ME2: variants seen among roughly 807,000 people sequenced by gnomAD.
The protein encoded by ME2 is malic enzyme 2.
In ME2, 60 loss-of-function variants were observed where a neutral mutation model predicts 73.7. The observed-to-expected ratio is 0.81, with a 90% CI of 0.66 to 1.01. The LOEUF is 1.01. Ranked by LOEUF, ME2 falls within the 50% of genes least tolerant of loss-of-function variation. The probability of loss-of-function intolerance (pLI) is 0.00; values close to 1 mark genes in which losing one functional copy is unlikely to be tolerated. For synonymous variants in ME2, 199 were observed against 236.9 expected (o/e 0.84, Z 1.47); for missense variants, 594 against 705.5 (o/e 0.84, Z 1.79).
intron 2 of ME2, among the ~76,000 whole-genome samples, chr18:50,905,879 A>T (rs1781329827): frequency 6.6e-6 from 1 of 152,172 alleles, no homozygotes; most frequent in African/African-American, 2.4e-5. Context: ...ATAGTGAGGC[A>T]TGTCCGACCC....
rs747890306 is a variant in ME2, at chr18:50,920,700, A to G, written c.884A>G (p.Gln295Arg). Residue 295 changes from glutamine to arginine, a missense_variant, in exon 9 of 16, where the codon CAA becomes CGA. Transcript: ENST00000321341. ...AVALAGLLAAQKVISKPISEH... is the reference protein window; with the variant it reads ...AVALAGLLAARKVISKPISEH... ...GCTCTAGCAGGTCTTCTTGCAGCACAAAAAGTTATTAGTAAACCAATCTCC... is the reference window on the plus strand; with the variant it reads ...GCTCTAGCAGGTCTTCTTGCAGCACGAAAAGTTATTAGTAAACCAATCTCC... 1.9e-6 allele frequency: 3 copies of G among 1,612,450 alleles called. No homozygotes were observed. Among genetic ancestry groups the G allele is most frequent in the South Asian group, 1.1e-5 (1 of 90,896 alleles).
Position 50,920,941 on chromosome 18 carries a change from G to A in ME2, c.943-133G>A, listed in dbSNP as rs565200118. On this transcript the variant is annotated intron_variant, in intron 9 of 15. Coordinates refer to ENST00000321341, the MANE Select transcript of ME2 (RefSeq NM_002396.5). The stretch of plus-strand genomic sequence containing the variant: ...AAAATATGTTTCGAGAGAATATCAC[G>A]AAGAATTTTTGTTTGATTTGTAAGG... 359 of 696,258 alleles carry A rather than the reference G, an allele frequency of 5.2e-4. 1 individual carries two copies. The South Asian group carries it at 6.9e-3, about 13-fold the overall frequency. The allele number at this position is 696,258 out of a possible 1,614,324, so 43.1% of individuals were successfully genotyped here.
At chr18:50,893,593 A>G (rs577466095) in intron 1 of ME2, among the ~76,000 whole-genome samples, 32 of 152,080 alleles carry the variant, frequency 2.1e-4, no homozygotes, top group Non-Finnish European at 4.4e-4. Context: ...GCTACTGGTT[A>G]TTTTTCTGTC....
chr18:50,940,109 A>G (rs931104225), intron 14 of ME2, 179 bp from the exon 15 acceptor site: 6 of 567,198 alleles, frequency 1.1e-5, no homozygotes, highest in Non-Finnish European at 1.9e-5. Context: ...AAATCTGGTT[A>G]TTTATTGTTT....
rs1471461850 is a variant in ME2, at chr18:50,941,464, C to G, written c.1587+1078C>G. 3.6e-5 allele frequency among the ~76,000 whole-genome samples: 5 copies of G among 139,766 alleles called. No individual in the cohort carries two copies. The East Asian group carries it at 6.9e-4, about 19-fold the overall frequency. 91.7% of individuals were successfully genotyped at this position (139,766 alleles called of 152,430 possible). A position where few individuals can be genotyped will look rare whatever the true frequency, so the allele number is the denominator to read the frequency against. On this transcript the variant is annotated intron_variant, in intron 15 of 15. Coordinates refer to ENST00000321341, the MANE Select transcript of ME2 (RefSeq NM_002396.5). ...TCACGGCTCACTGCAACCTCTGCCT[C>G]CCAGGTTTAAACAACTCTCCTGCCT...
chr18:50,930,120 C>T (rs1481545021), intron 12 of ME2, among the ~76,000 whole-genome samples: 1 of 152,022 alleles, frequency 6.6e-6, no homozygotes, highest in African/African-American at 2.4e-5. Context: ...ATTAGCCAAG[C>T]ATGGTGGCGC....
intron 5 of ME2, chr18:50,916,513 A>G (rs1031039633): frequency 3.6e-6 from 1 of 278,084 alleles, no homozygotes; most frequent in Non-Finnish European, 6.7e-6. Context: ...TGCCTTCTCA[A>G]TCTCCTTTTC....
chr18:50,932,439 G>A (rs1441606188), intron 13 of ME2, 79 bp downstream of exon 13: 1 of 1,133,746 alleles, frequency 8.8e-7, no homozygotes, highest in Non-Finnish European at 1.3e-6. Flanking sequence ...TGGAATGGGA[G>A]ACTGAACTGA....
intron 15 of ME2, among the ~76,000 whole-genome samples, chr18:50,941,349 G>GTTTTTT (rs1568176416): frequency 5.7e-5 from 6 of 105,308 alleles, no homozygotes; most frequent in East Asian, 2.6e-4. Context: ...ATTTGTGATG[G>GTTTTTT]TTTCTTTTTT....
chr18:50,918,797 A>G (rs1344294259), intron 7 of ME2, among the ~76,000 whole-genome samples: 1 of 150,196 alleles, frequency 6.7e-6, no homozygotes, highest in East Asian at 2.0e-4. Context: ...CATGTCAACT[A>G]TGACCTTTAT....
intron 14 of ME2, chr18:50,939,910 A>G (rs976098908): frequency 2.3e-5 from 10 of 426,214 alleles, no homozygotes; most frequent in African/African-American, 2.0e-4. Flanking sequence ...AGCATAGATA[A>G]CTCCTTGCAT....
intron 13 of ME2, chr18:50,933,448 A>G (rs1283074404): frequency 6.6e-6 from 1 of 152,118 alleles, no homozygotes; most frequent in Non-Finnish European, 1.5e-5. Flanking sequence ...GTACTTTTCT[A>G]TATTTTTCTC....
chr18:50,917,779 C>G (rs2144232853), intron 6 of ME2, among the ~76,000 whole-genome samples: 1 of 152,164 alleles, frequency 6.6e-6, no homozygotes, highest in Non-Finnish European at 1.5e-5. Context: ...CGAGACCAGC[C>G]TGGCCAACAT....
At chr18:50,941,152 T>C (rs921135734) in intron 15 of ME2, among the ~76,000 whole-genome samples, 1 of 149,988 alleles carries the variant, frequency 6.7e-6, no homozygotes, top group African/African-American at 2.5e-5. Context: ...TCCCAGCTAC[T>C]CTGGAGGCTG....
intron 13 of ME2, chr18:50,939,317 A>G (rs756128269): frequency 3.2e-5 from 12 of 379,802 alleles, no homozygotes; most frequent in Non-Finnish European, 4.3e-5. Flanking sequence ...AATTGTATGT[A>G]TTTGTCATTT....
At chr18:50,931,327 A>G (rs1303811078) in intron 12 of ME2, among the ~76,000 whole-genome samples, 1 of 152,260 alleles carries the variant, frequency 6.6e-6, no homozygotes, top group Non-Finnish European at 1.5e-5. Flanking sequence ...GCTGGGTATT[A>G]TAGCATCATT....
intron 2 of ME2, among the ~76,000 whole-genome samples, chr18:50,903,226 T>G (rs926360110): frequency 6.6e-6 from 1 of 152,216 alleles, no homozygotes; most frequent in East Asian, 1.9e-4. Flanking sequence ...TTTAAACTAA[T>G]GTCATCATCA....
chr18:50,917,131 C>A, intron 5 of ME2: 1 of 395,542 alleles, frequency 2.5e-6, no homozygotes, highest in Non-Finnish European at 4.6e-6. Context: ...AAACCGAAGT[C>A]AGAGGGAAAT....
In ME2 at chr18:50,908,114, C is replaced by T. The variant is rs373728145; in HGVS notation, c.160C>T (p.Leu54=). The T allele has an allele frequency of 6.2e-7, 1 of 1,604,178 alleles. No homozygotes were observed. Among genetic ancestry groups the T allele is most frequent in the Non-Finnish European group, 8.5e-7 (1 of 1,173,918 alleles). ...ACAAATGCTTGGTCTTCAAGGACTT[C>T]TACCTCCCAAAATAGAGACACAAGA... The part of the protein sequence containing the change: ...ERQMLGLQGL[L]PPKIETQDIQ... Residue 54 remains leucine (L), a synonymous_variant, in exon 3 of 16, where the codon CTA becomes TTA. Transcript: ENST00000321341.
Sources: gnomAD v4.1 joint callset for allele counts (sites outside exome capture counted in the v4.1 genomes callset) on GRCh38, gnomAD v4.1.1 for gene constraint, MANE v1.5 for transcripts, NCBI Gene and HGNC (gene_info 2026-07-23, HGNC 2026-07-21) for gene names.